Variants in FLRT2 observed in about 807,000 individuals in gnomAD.
FLRT2 encodes the protein fibronectin leucine rich transmembrane protein 2, also known as leucine-rich repeat transmembrane protein FLRT2.
A neutral mutation model predicts 40.0 loss-of-function variants in FLRT2; 15 were observed. The observed-to-expected ratio is 0.38, with a 90% confidence interval of 0.25 to 0.58. FLRT2 has a LOEUF of 0.58. Among genes scored for constraint, FLRT2 ranks in the 20% least tolerant of loss-of-function variants. The probability of loss-of-function intolerance (pLI) is 0.71; values close to 1 mark genes in which losing one functional copy is unlikely to be tolerated. For missense variants in FLRT2, 726 were observed against 840.0 expected, an observed-to-expected ratio of 0.86 and a Z score of 1.68; for synonymous variants, 380 against 336.8, an observed-to-expected ratio of 1.13 and a Z score of -1.41.
rs146374553 is a variant in FLRT2, at chr14:85,570,968, T to G, written c.-377+40434T>G. ...TGCCTTTTCTTTGCACTTTACTGAG[T>G]CAAGAGTTTAGATTTTAAAGCTTCT... On this transcript the variant is annotated intron_variant, in intron 1 of 1. Coordinates refer to ENST00000330753, the MANE Select transcript of FLRT2 (RefSeq NM_013231.6). Among the ~76,000 whole-genome samples the G allele has an allele frequency of 9.9e-3, 1,507 of 152,220 alleles. 19 individuals carry two copies. The highest frequency in any genetic ancestry group is 0.034 in the African/African-American group (1,403 of 41,526).
chr14:85,611,922 G>A (rs1199483433), intron 1 of FLRT2, among the ~76,000 whole-genome samples: 2 of 111,666 alleles, frequency 1.8e-5, no homozygotes, highest in African/African-American at 7.4e-5. Context: ...GAAAGCGTGT[G>A]TGTGTGTGTG....
chr14:85,562,876 A>G (rs1216469403), intron 1 of FLRT2: 1 of 152,202 alleles, frequency 6.6e-6, no homozygotes. Context: ...ACCGTGAGGG[A>G]AAATCAATGG....
intron 1 of FLRT2, among the ~76,000 whole-genome samples, chr14:85,587,980 G>A (rs1595058566): frequency 6.6e-6 from 1 of 151,752 alleles, no homozygotes; most frequent in Non-Finnish European, 1.5e-5. Flanking sequence ...CTCCCAGGCT[G>A]GAGTGCAGTG....
In FLRT2 at chr14:85,621,784, G is replaced by C. The variant is rs761918713; in HGVS notation, c.270G>C (p.Val90=). The C allele has an allele frequency of 2.3e-5, 37 of 1,614,072 alleles. No homozygotes were observed. The highest frequency in any genetic ancestry group is 3.1e-5 in the Non-Finnish European group (37 of 1,180,040). The change falls in exon 2 of 2, where the codon GTG becomes GTC. Residue 90 remains valine (V), a synonymous_variant. Transcript: ENST00000330753. ...CAGAACTGCACAATGTACAGTCGGT[G>C]CACACGGTCTACCTGTATGGCAACC... The part of the protein sequence containing the change: ...FPAELHNVQS[V]HTVYLYGNQL...
At chr14:85,576,260 T>C (rs1039366161) in intron 1 of FLRT2, among the ~76,000 whole-genome samples, 7 of 152,210 alleles carry the variant, frequency 4.6e-5, no homozygotes, top group Admixed American at 6.5e-5. Flanking sequence ...TAATTATAAG[T>C]ATTTACTTTT....
chr14:85,622,549 C>T lies in FLRT2; in HGVS notation c.1035C>T (p.Val345=). The T allele has an allele frequency of 6.2e-7, 1 of 1,613,932 alleles. No homozygotes were observed. Among genetic ancestry groups the T allele is most frequent in the Non-Finnish European group, 8.5e-7 (1 of 1,180,008 alleles). Residue 345 remains valine (V), a synonymous_variant, in exon 2 of 2, where the codon GTC becomes GTT. Coordinates refer to ENST00000330753, the MANE Select transcript of FLRT2 (RefSeq NM_013231.6). ...RGFMCQGPEQ[V]RGMAVRELNM... ...TCATGTGCCAAGGTCCTGAACAAGTCCGGGGGATGGCCGTCAGGGAATTAA... is the reference window on the plus strand; with the variant it reads ...TCATGTGCCAAGGTCCTGAACAAGTTCGGGGGATGGCCGTCAGGGAATTAA...
rs531023611 is a variant in FLRT2 at position 85,636,923 on chromosome 14, C to T, written c.*13426C>T. 5.4e-5 allele frequency: 5 copies of T among 92,210 alleles called. No homozygotes were observed. The highest frequency in any genetic ancestry group is 4.5e-4 in the South Asian group (1 of 2,206). The allele number at this position is 92,210 out of a possible 1,614,324, so 5.7% of individuals were successfully genotyped here. ...TAGCCTGGGTGACAGAGCGATACTT[C>T]GTCTCCAAAAAAAAAAAAAAAAAAA... On this transcript the variant is annotated 3_prime_UTR_variant, in exon 2 of 2. Transcript: ENST00000330753.
chr14:85,588,298 C>A (rs979388030), intron 1 of FLRT2, among the ~76,000 whole-genome samples: 1 of 152,078 alleles, frequency 6.6e-6, no homozygotes, highest in Non-Finnish European at 1.5e-5. Flanking sequence ...ATTCAATAAA[C>A]ATTTCAGTAA....
At chr14:85,557,820 AAATAAATAAATT>A (rs751198196) in intron 1 of FLRT2, among the ~76,000 whole-genome samples, 133 of 150,292 alleles carry the variant, frequency 8.8e-4, no homozygotes, top group Non-Finnish European at 1.4e-3. Context: ...CCATTTCAAT[AAATAAATAAATT>A]AATTAATTAA....
At chr14:85,600,513 A>G (rs1892337333) in intron 1 of FLRT2, among the ~76,000 whole-genome samples, 1 of 152,236 alleles carries the variant, frequency 6.6e-6, no homozygotes, top group Admixed American at 6.5e-5. Flanking sequence ...GAAGACTCTG[A>G]CAGGACATCA....
In FLRT2 at chr14:85,568,041, G is replaced by T. The variant is rs1229085180; in HGVS notation, c.-377+37507G>T. The stretch of plus-strand genomic sequence containing the variant: ...AGGTGAGTTACAGAAGGCCTGTAGA[G>T]TACCACAAGAAAGAGGCCTGACTAC... On this transcript the variant is annotated intron_variant, in intron 1 of 1. Coordinates refer to ENST00000330753, the MANE Select transcript of FLRT2 (RefSeq NM_013231.6). 2.0e-5 allele frequency among the ~76,000 whole-genome samples: 3 copies of T among 152,238 alleles called. 1 individual carries two copies. The highest frequency in any genetic ancestry group is 3.4e-3 in the Middle Eastern group (1 of 294).
At chr14:85,543,677 C>A (rs192279489) in intron 1 of FLRT2, among the ~76,000 whole-genome samples, 1 of 152,130 alleles carries the variant, frequency 6.6e-6, no homozygotes, top group Admixed American at 6.5e-5. Flanking sequence ...AGCACCCATC[C>A]CCTGTACCCT....
Position 85,647,617 on chromosome 14 carries a change from T to C in FLRT2, c.*24120T>C, listed in dbSNP as rs1314259215. Reference sequence around the variant, plus strand: ...TGCCTATAAGCAAAGAAGTTACGTGTATTAACTGGAACAATTGGTCCTGAT... The same window carrying C: ...TGCCTATAAGCAAAGAAGTTACGTGCATTAACTGGAACAATTGGTCCTGAT... On this transcript the variant is annotated 3_prime_UTR_variant, in exon 2 of 2. Coordinates refer to ENST00000330753, the MANE Select transcript of FLRT2 (RefSeq NM_013231.6). 1.3e-5 allele frequency: 2 copies of C among 152,088 alleles called. No individual in the cohort carries two copies. The highest frequency in any genetic ancestry group is 2.1e-4 in the South Asian group (1 of 4,818). 9.4% of individuals were successfully genotyped at this position (152,088 alleles called of 1,614,324 possible). A position where few individuals can be genotyped will look rare whatever the true frequency, so the allele number is the denominator to read the frequency against.
intron 1 of FLRT2, among the ~76,000 whole-genome samples, chr14:85,583,505 C>T (rs80257020): frequency 5.4e-4 from 82 of 152,142 alleles, no homozygotes; most frequent in Admixed American, 2.0e-3. Flanking sequence ...AGGAACAGAA[C>T]GCTCCTATTT....
chr14:85,556,496 T>C (rs1002719048), intron 1 of FLRT2, among the ~76,000 whole-genome samples: 1 of 152,190 alleles, frequency 6.6e-6, no homozygotes, highest in African/African-American at 2.4e-5. Context: ...CCCTGTAATG[T>C]TGTGTATATG....
chr14:85,622,999 A>G lies in FLRT2; in HGVS notation c.1485A>G (p.Pro495=). ...CCACCTATCGGATTTGTTTAGTGCC[A>G]CTGGATGCTTTTAACTACCGCGCGG... ...PRSTYRICLV[P]LDAFNYRAVE... Residue 495 remains proline, a synonymous_variant, in exon 2 of 2, where the codon CCA becomes CCG. Transcript: ENST00000330753. 1 of 1,614,162 alleles carries G rather than the reference A, an allele frequency of 6.2e-7. No individual in the cohort carries two copies. The highest frequency in any genetic ancestry group is 1.3e-5 in the African/African-American group (1 of 75,044).
At position 85,621,416 on chromosome 14, in the gene FLRT2, C is replaced by T. The variant is rs573729441; in HGVS notation, c.-99C>T. On this transcript the variant is annotated 5_prime_UTR_variant, in exon 2 of 2. Transcript: ENST00000330753. Reference sequence around the variant, plus strand: ...CGTTCCCTCTAGCTGGAGTTCTGGACTTCAACAGAACCCCATCCAGTCATT... The same window carrying T: ...CGTTCCCTCTAGCTGGAGTTCTGGATTTCAACAGAACCCCATCCAGTCATT... 7 of 1,151,052 alleles carry T rather than the reference C, an allele frequency of 6.1e-6. No individual in the cohort carries two copies. Among genetic ancestry groups the T allele is most frequent in the South Asian group, 4.8e-5 (3 of 62,296 alleles). The allele number at this position is 1,151,052 out of a possible 1,614,324, so 71.3% of individuals were successfully genotyped here. A position where few individuals can be genotyped will look rare whatever the true frequency, so the allele number is the denominator to read the frequency against.
chr14:85,578,989 G>C (rs1891263323), intron 1 of FLRT2, among the ~76,000 whole-genome samples: 6 of 152,200 alleles, frequency 3.9e-5, no homozygotes, highest in Admixed American at 3.9e-4. Context: ...ATCCACCCCA[G>C]CACCCCTGAT....
rs990910610 is a variant in FLRT2 at position 85,642,904 on chromosome 14, T to C, written c.*19407T>C. ...TTGGACTGCTGTAACAAAAATACCA[T>C]AGACTGAGTGGCTTAAACAATAAAC... On this transcript the variant is annotated 3_prime_UTR_variant, in exon 2 of 2. Transcript: ENST00000330753. 2.0e-5 allele frequency: 3 copies of C among 152,208 alleles called. No individual in the cohort carries two copies. Among genetic ancestry groups the C allele is most frequent in the East Asian group, 1.9e-4 (1 of 5,182 alleles). The allele number at this position is 152,208 out of a possible 1,614,324, so 9.4% of individuals were successfully genotyped here.
Sources: allele counts gnomAD v4.1 joint callset (sites outside exome capture counted in the v4.1 genomes callset), GRCh38; gene constraint gnomAD v4.1.1; transcripts MANE v1.5; gene names NCBI Gene and HGNC (gene_info 2026-07-23, HGNC 2026-07-21).